Variants in PTPRM observed in about 807,000 individuals in gnomAD.
PTPRM encodes protein tyrosine phosphatase receptor type M, also known as receptor-type tyrosine-protein phosphatase mu.
A neutral mutation model predicts 186.7 loss-of-function variants in PTPRM; 47 were observed. The ratio of observed to expected loss-of-function variants is 0.25; its 90% CI spans 0.20 to 0.32. The LOEUF (loss-of-function observed/expected upper bound fraction) is 0.32, where lower values mean the gene tolerates loss of function less well. Ranked by LOEUF, PTPRM falls within the 10% of genes least tolerant of loss-of-function variation. The pLI, the probability that PTPRM is intolerant of heterozygous loss-of-function variation, is 1.00. For synonymous variants in PTPRM, 668 were observed against 674.9 expected (o/e 0.99, Z 0.16); for missense variants, 1,494 against 1,865.0 (o/e 0.80, Z 3.66).
chr18:7,861,672 G>T (rs2047388038), intron 2 of PTPRM, among the ~76,000 whole-genome samples: 1 of 152,026 alleles, frequency 6.6e-6, no homozygotes, highest in Non-Finnish European at 1.5e-5. Context: ...GCACAACTCG[G>T]CACACAGGTC....
chr18:8,074,121 A>G (rs2089658394), intron 8 of PTPRM, among the ~76,000 whole-genome samples: 1 of 152,196 alleles, frequency 6.6e-6, no homozygotes, highest in Admixed American at 6.5e-5. Flanking sequence ...ATATATAAGT[A>G]GCCTCTAATC....
At chr18:8,316,021 A>G (rs948493452) in intron 21 of PTPRM, among the ~76,000 whole-genome samples, 1 of 152,192 alleles carries the variant, frequency 6.6e-6, no homozygotes, top group Non-Finnish European at 1.5e-5. Context: ...TAATCAGCAC[A>G]TGTTTAGTGA....
chr18:8,011,465 C>T (rs1024302107), intron 7 of PTPRM, among the ~76,000 whole-genome samples: 14 of 152,242 alleles, frequency 9.2e-5, no homozygotes, highest in South Asian at 2.1e-4. Context: ...ACTACATTCC[C>T]GTTTCTTTTA....
At chr18:7,629,251 C>T (rs184099563) in intron 1 of PTPRM, among the ~76,000 whole-genome samples, 15 of 152,248 alleles carry the variant, frequency 9.9e-5, no homozygotes, top group Admixed American at 8.5e-4. Flanking sequence ...AACCTGTCCA[C>T]AGAAGGGATG....
At chr18:8,239,052 A>T (rs547064423) in intron 14 of PTPRM, among the ~76,000 whole-genome samples, 320 of 149,042 alleles carry the variant, frequency 2.1e-3, no homozygotes, top group African/African-American at 7.3e-3. Context: ...TGTGCAGGTT[A>T]GTTACATATG....
intron 1 of PTPRM, among the ~76,000 whole-genome samples, chr18:7,649,329 T>C (rs1453890414): frequency 6.6e-6 from 1 of 152,218 alleles, no homozygotes; most frequent in East Asian, 1.9e-4. Context: ...TAACACAGCA[T>C]CCATTTTGTA....
chr18:7,570,397 T>A (rs565891982), intron 1 of PTPRM, among the ~76,000 whole-genome samples: 2 of 152,220 alleles, frequency 1.3e-5, no homozygotes, highest in African/African-American at 4.8e-5. Context: ...AAGAGCTAGA[T>A]TGTAAGCTCC....
intron 2 of PTPRM, among the ~76,000 whole-genome samples, chr18:7,845,498 C>T (rs556342735): frequency 6.6e-6 from 1 of 152,262 alleles, no homozygotes; most frequent in African/African-American, 2.4e-5. Flanking sequence ...AAAGTTCCTG[C>T]AGGATTTTCT....
At chr18:8,368,067 AT>A (rs1246336083) in intron 23 of PTPRM, among the ~76,000 whole-genome samples, 1 of 152,098 alleles carries the variant, frequency 6.6e-6, no homozygotes, top group Admixed American at 6.6e-5. Flanking sequence ...TTATTCATCA[AT>A]AATTATTTTT....
chr18:8,150,194 T>C (rs1455131874), intron 14 of PTPRM, among the ~76,000 whole-genome samples: 3 of 152,226 alleles, frequency 2.0e-5, no homozygotes, highest in African/African-American at 7.2e-5. Context: ...TTAGCCTGTC[T>C]TGCTAGATTG....
chr18:7,910,174 A>C (rs1051543411), intron 4 of PTPRM, among the ~76,000 whole-genome samples: 8 of 152,232 alleles, frequency 5.3e-5, no homozygotes, highest in Non-Finnish European at 8.8e-5. Flanking sequence ...TAAAGTGTAC[A>C]ATTCAGTAGT....
Position 7,944,887 on chromosome 18 carries a change from T to G in PTPRM, c.664-4294T>G, listed in dbSNP as rs553116444. 2.6e-5 allele frequency among the ~76,000 whole-genome samples: 4 copies of G among 152,324 alleles called. No homozygotes were observed. The East Asian group carries it at 7.7e-4, about 29-fold the overall frequency. ...TGACAACATCTCCAGGACTATAGTT[T>G]GAATATTTGTCCCCTCCAAAACTCA... On this transcript the variant is annotated intron_variant, in intron 5 of 32. Coordinates refer to ENST00000580170, the MANE Select transcript of PTPRM (RefSeq NM_001105244.2).
At chr18:8,378,178 C>G (rs747171976) in intron 26 of PTPRM, 87 bp from the exon 27 acceptor site, 12 of 1,371,010 alleles carry the variant, frequency 8.8e-6, no homozygotes, top group Non-Finnish European at 1.2e-5. Flanking sequence ...TCTCCACTCT[C>G]TTGATGATGT....
chr18:8,128,400 T>A (rs1005329418), intron 13 of PTPRM, among the ~76,000 whole-genome samples: 1 of 152,140 alleles, frequency 6.6e-6, no homozygotes, highest in Non-Finnish European at 1.5e-5. Context: ...GTGAGGAGAA[T>A]TTGAGATTTT....
chr18:8,025,760 A>G (rs1168751489), intron 7 of PTPRM, among the ~76,000 whole-genome samples: 1 of 152,194 alleles, frequency 6.6e-6, no homozygotes, highest in Non-Finnish European at 1.5e-5. Flanking sequence ...TTCCGGATAA[A>G]AACAAGGATT....
chr18:8,066,736 T>A (rs1049695063), intron 7 of PTPRM, among the ~76,000 whole-genome samples: 9 of 152,220 alleles, frequency 5.9e-5, no homozygotes, highest in African/African-American at 2.2e-4. Flanking sequence ...CACCCTCTTT[T>A]CATCTAAGAT....
intron 7 of PTPRM, among the ~76,000 whole-genome samples, chr18:7,990,806 C>A (rs1403040399): frequency 4.6e-5 from 7 of 152,046 alleles, no homozygotes; most frequent in African/African-American, 1.7e-4. Flanking sequence ...CAGCCCAGTT[C>A]TCTGTGTATA....
At chr18:8,393,661 G>T (rs1178078219) in intron 31 of PTPRM, among the ~76,000 whole-genome samples, 1 of 152,198 alleles carries the variant, frequency 6.6e-6, no homozygotes, top group African/African-American at 2.4e-5. Context: ...AGGGAAGTTG[G>T]ATATGCATTC....
At chr18:8,142,439 G>A (rs626707) in intron 13 of PTPRM, among the ~76,000 whole-genome samples, 146,891 of 152,254 alleles carry the variant, frequency 0.96, 70,941 homozygotes, top group East Asian at 1. Flanking sequence ...CATCATTTAC[G>A]TGTTCCCAAA....
Sources: gnomAD v4.1 joint callset for allele counts (sites outside exome capture counted in the v4.1 genomes callset) on GRCh38, gnomAD v4.1.1 for gene constraint, MANE v1.5 for transcripts, NCBI Gene and HGNC (gene_info 2026-07-23, HGNC 2026-07-21) for gene names.